DPY19L1: variants seen among roughly 807,000 people sequenced by gnomAD.
DPY19L1 encodes protein C-mannosyl-transferase DPY19L1.
Under a neutral mutation model 96.9 loss-of-function variants are expected in DPY19L1, and 35 were observed. The observed-to-expected ratio is 0.36, with a 90% CI of 0.28 to 0.48. DPY19L1 has a LOEUF of 0.48. Ranked by LOEUF, DPY19L1 falls within the 20% of genes least tolerant of loss-of-function variation. The probability of loss-of-function intolerance (pLI) is 0.99; values close to 1 mark genes in which losing one functional copy is unlikely to be tolerated. For missense variants in DPY19L1, 521 were observed against 777.9 expected (o/e 0.67, Z 3.93); for synonymous variants, 205 against 252.6 (o/e 0.81, Z 1.79).
intron 1 of DPY19L1, among the ~76,000 whole-genome samples, chr7:35,029,325 T>C (rs1375006365): frequency 6.6e-6 from 1 of 152,222 alleles, no homozygotes; most frequent in African/African-American, 2.4e-5. Flanking sequence ...CAAGATAATA[T>C]GATCTGCTTC....
At chr7:35,035,772 C>T (rs1210416204) in intron 1 of DPY19L1, among the ~76,000 whole-genome samples, 1 of 152,160 alleles carries the variant, frequency 6.6e-6, no homozygotes, top group African/African-American at 2.4e-5. Flanking sequence ...CACAAAGGAA[C>T]CTGAAACTTA....
At chr7:34,943,788 T>C (rs11981687) in intron 16 of DPY19L1, among the ~76,000 whole-genome samples, 35,771 of 152,022 alleles carry the variant, frequency 0.24, 4,599 homozygotes, top group Non-Finnish European at 0.29. Flanking sequence ...TCTTCCAGAG[T>C]TGCATACTAC....
intron 6 of DPY19L1, among the ~76,000 whole-genome samples, chr7:35,009,269 T>C (rs1479778088): frequency 6.6e-6 from 1 of 152,200 alleles, no homozygotes; most frequent in Non-Finnish European, 1.5e-5. Flanking sequence ...AATGCGATAA[T>C]AGCAAATTCA....
In DPY19L1 at chr7:34,954,464, G is replaced by A. The variant is rs17170065; in HGVS notation, c.1320+234C>T. On this transcript the variant is annotated intron_variant, in intron 13 of 21. Transcript: ENST00000638088. The stretch of plus-strand genomic sequence containing the variant: ...AATCTATTATCTACAGTTTTCCTGC[G>A]TTAAAATTTTAGTGACATAGAAGGA... The A allele has an allele frequency of 4.2e-3, 1,156 of 277,044 alleles. 13 individuals carry two copies. Among genetic ancestry groups the A allele is most frequent in the African/African-American group, 0.023 (1,039 of 44,634 alleles). The allele number at this position is 277,044 out of a possible 1,614,324, so 17.2% of individuals were successfully genotyped here. A position where few individuals can be genotyped will look rare whatever the true frequency, so the allele number is the denominator to read the frequency against.
intron 1 of DPY19L1, among the ~76,000 whole-genome samples, chr7:35,028,110 G>C (rs1355664997): frequency 6.6e-6 from 1 of 152,132 alleles, no homozygotes; most frequent in Non-Finnish European, 1.5e-5. Context: ...AATGATCTAG[G>C]GGTGCCTTTG....
intron 5 of DPY19L1, 109 bp downstream of exon 5, chr7:35,011,221 T>C: frequency 2.3e-6 from 3 of 1,304,112 alleles, no homozygotes; most frequent in Middle Eastern, 2.6e-4. Flanking sequence ...ATATGCATAA[T>C]AAAATGGGTG....
At chr7:35,019,553 G>A (rs1277527764) in intron 1 of DPY19L1, among the ~76,000 whole-genome samples, 2 of 151,280 alleles carry the variant, frequency 1.3e-5, no homozygotes, top group Non-Finnish European at 2.9e-5. Flanking sequence ...GAAGAAAGAA[G>A]GAAGAAGAGG....
chr7:35,009,015 T>A (rs193154580), intron 6 of DPY19L1, among the ~76,000 whole-genome samples: 42 of 152,322 alleles, frequency 2.8e-4, no homozygotes, highest in Middle Eastern at 3.4e-3. Flanking sequence ...CATCTTTTAA[T>A]CATGCATTTT....
At chr7:34,947,395 A>G (rs1036907739) in intron 15 of DPY19L1, among the ~76,000 whole-genome samples, 5 of 152,178 alleles carry the variant, frequency 3.3e-5, no homozygotes, top group African/African-American at 1.2e-4. Context: ...TCCAAAATAC[A>G]TGACTATCGG....
intron 8 of DPY19L1, 110 bp downstream of exon 8, chr7:34,973,401 TAAC>T: frequency 1.8e-6 from 1 of 542,572 alleles, no homozygotes; most frequent in Non-Finnish European, 2.9e-6. Flanking sequence ...TTTTTACTAA[TAAC>T]AGCATCATAT....
chr7:35,008,860 C>T (rs373205483), intron 6 of DPY19L1, among the ~76,000 whole-genome samples: 6 of 152,254 alleles, frequency 3.9e-5, no homozygotes, highest in Admixed American at 3.9e-4. Flanking sequence ...GAATAGACAC[C>T]ACCAAGTTTC....
chr7:34,971,226 T>C (rs1423566042), intron 8 of DPY19L1, among the ~76,000 whole-genome samples: 3 of 152,138 alleles, frequency 2.0e-5, no homozygotes, highest in African/African-American at 7.2e-5. Context: ...TATCAGAAGA[T>C]GAAGATGGCC....
At chr7:35,003,633 G>T (rs1315208289) in intron 6 of DPY19L1, among the ~76,000 whole-genome samples, 22 of 152,330 alleles carry the variant, frequency 1.4e-4, no homozygotes, top group African/African-American at 5.1e-4. Context: ...CTACATTTCT[G>T]CCAGATGTCC....
intron 10 of DPY19L1, among the ~76,000 whole-genome samples, chr7:34,963,706 G>A: frequency 9.2e-6 from 1 of 108,200 alleles, no homozygotes. Context: ...TCGTGTGTGT[G>A]TGTGCGTGTG....
In DPY19L1 at chr7:34,943,714, C is replaced by T. The variant is rs759752559; in HGVS notation, c.1545-1075G>A. Among the ~76,000 whole-genome samples, 46 of 152,284 alleles carry T rather than the reference C, an allele frequency of 3.0e-4. 3 individuals are homozygous for T. The highest frequency in any genetic ancestry group is 2.9e-3 in the East Asian group (15 of 5,180). On this transcript the variant is annotated intron_variant, in intron 16 of 21. Transcript: ENST00000638088. ...GAAGCTCAATGGTTTCCTATAATTA[C>T]TTCTATAGGTGAGTTATTACTCTTG...
intron 3 of DPY19L1, among the ~76,000 whole-genome samples, chr7:35,017,011 T>G (rs1297200889): frequency 3.9e-5 from 6 of 152,016 alleles, no homozygotes; most frequent in East Asian, 1.9e-4. Flanking sequence ...TTGTTTTTTT[T>G]TTTTTAAAGT....
chr7:34,948,130 T>C (rs906923390), intron 14 of DPY19L1, among the ~76,000 whole-genome samples: 1 of 151,982 alleles, frequency 6.6e-6, no homozygotes, highest in African/African-American at 2.4e-5. Context: ...TGATCTATGT[T>C]TGAGGGGAAC....
rs566848957 is a variant in DPY19L1 at position 34,997,564 on chromosome 7, C to T, written c.765-7623G>A. On this transcript the variant is annotated intron_variant, in intron 6 of 21. Transcript: ENST00000638088. ...GGCGGAGCTTGCAGTGAGCTGAGAT[C>T]GCGCCACTGCACTCCAGCCTGGGCA... 7.6e-5 allele frequency among the ~76,000 whole-genome samples: 11 copies of T among 144,100 alleles called. No homozygotes were observed. In the South Asian group the frequency reaches 1.7e-3, roughly 23 times the overall value. The allele number at this position is 144,100 out of a possible 152,430, so 94.5% of individuals were successfully genotyped here.
intron 21 of DPY19L1, among the ~76,000 whole-genome samples, 196 bp downstream of exon 21, chr7:34,937,798 G>C (rs1323449766): frequency 1.3e-5 from 2 of 152,040 alleles, no homozygotes; most frequent in Admixed American, 1.3e-4. Flanking sequence ...AGTGGAGCTT[G>C]CAGTGAGCCC....
Sources: allele counts gnomAD v4.1 joint callset (sites outside exome capture counted in the v4.1 genomes callset), GRCh38; gene constraint gnomAD v4.1.1; transcripts MANE v1.5; gene names NCBI Gene and HGNC (gene_info 2026-07-23, HGNC 2026-07-21).